The following VPS13A variants were observed in gnomAD, a reference collection of about 807,000 sequenced individuals.
The protein encoded by VPS13A is vacuolar protein sorting 13 homolog A, also known as intermembrane lipid transfer protein VPS13A.
A neutral mutation model predicts 390.9 loss-of-function variants in VPS13A; 264 were observed. The observed-to-expected ratio is 0.68, with a 90% CI of 0.61 to 0.75. The LOEUF (loss-of-function observed/expected upper bound fraction) is 0.75. Among genes scored for constraint, VPS13A ranks in the 30% least tolerant of loss-of-function variants. The probability of loss-of-function intolerance (pLI) is 0.00; values close to 1 mark genes in which losing one functional copy is unlikely to be tolerated. For synonymous variants in VPS13A, 1,231 were observed against 1,227.1 expected (o/e 1.00, Z -0.07); for missense variants, 3,409 against 3,733.9 (o/e 0.91, Z 2.27).
intron 10 of VPS13A, among the ~76,000 whole-genome samples, chr9:77,214,737 G>C (rs1347287340): frequency 6.6e-6 from 1 of 152,044 alleles, no homozygotes; most frequent in Non-Finnish European, 1.5e-5. Context: ...AGCCTTTTTC[G>C]AAATAGTAAG....
chr9:77,353,380 T>G (rs770150870), intron 53 of VPS13A, 29 bp from the exon 54 acceptor site: 13 of 1,515,830 alleles, frequency 8.6e-6, no homozygotes, highest in African/African-American at 8.4e-5. Flanking sequence ...TTTTTTGGTT[T>G]TTTTTTTTTT....
chr9:77,343,385 G>A (rs948865095), intron 50 of VPS13A, among the ~76,000 whole-genome samples: 3 of 152,164 alleles, frequency 2.0e-5, no homozygotes, highest in African/African-American at 7.2e-5. Flanking sequence ...CTGCTACATT[G>A]TCCTCAAGTC....
intron 19 of VPS13A, among the ~76,000 whole-genome samples, chr9:77,240,687 A>T (rs1296098421): frequency 6.6e-6 from 1 of 151,602 alleles, no homozygotes; most frequent in Non-Finnish European, 1.5e-5. Flanking sequence ...CATGTTGGCC[A>T]GGCTGGTCTC....
intron 38 of VPS13A, among the ~76,000 whole-genome samples, chr9:77,315,841 T>C (rs770185686): frequency 6.6e-6 from 1 of 152,060 alleles, no homozygotes; most frequent in Non-Finnish European, 1.5e-5. Flanking sequence ...ATTTTTGTTG[T>C]ATTTATTCCT....
intron 10 of VPS13A, 78 bp downstream of exon 10, chr9:77,214,464 G>C: frequency 8.5e-7 from 1 of 1,171,476 alleles, no homozygotes; most frequent in Non-Finnish European, 1.3e-6. Flanking sequence ...TGCTATCACT[G>C]TGCTAGTTCC....
chr9:77,325,921 T>G (rs1044259801), intron 45 of VPS13A, among the ~76,000 whole-genome samples: 2 of 152,220 alleles, frequency 1.3e-5, no homozygotes, highest in African/African-American at 2.4e-5. Context: ...TATTTGATAT[T>G]TATTATCACT....
chr9:77,379,133 C>T (rs545451707), intron 67 of VPS13A, among the ~76,000 whole-genome samples: 5 of 125,898 alleles, frequency 4.0e-5, no homozygotes, highest in African/African-American at 1.6e-4. Flanking sequence ...GGAGCAGTGG[C>T]GTGATTTTGG....
At chr9:77,369,482 G>T in intron 63 of VPS13A, 70 bp downstream of exon 63, 1 of 1,012,086 alleles carries the variant, frequency 9.9e-7, no homozygotes, top group South Asian at 1.3e-5. Flanking sequence ...CTTTTCTATT[G>T]TTAAGTTGAG....
intron 1 of VPS13A, among the ~76,000 whole-genome samples, chr9:77,193,769 C>A (rs984524967): frequency 6.6e-6 from 1 of 152,102 alleles, no homozygotes; most frequent in African/African-American, 2.4e-5. Context: ...GGCTGATGTT[C>A]CTTTAATCTC....
chr9:77,283,739 G>A, intron 31 of VPS13A, 89 bp downstream of exon 31: 1 of 1,094,862 alleles, frequency 9.1e-7, no homozygotes, highest in Non-Finnish European at 1.3e-6. Context: ...ACATTTGTCA[G>A]AATTTAGTAG....
intron 33 of VPS13A, among the ~76,000 whole-genome samples, chr9:77,300,286 G>A (rs1219775523): frequency 6.6e-6 from 1 of 152,006 alleles, no homozygotes; most frequent in African/African-American, 2.4e-5. Flanking sequence ...CTATATTGAT[G>A]ATTGATATCT....
chr9:77,375,494 A>G (rs968173263), intron 67 of VPS13A, among the ~76,000 whole-genome samples: 1 of 152,218 alleles, frequency 6.6e-6, no homozygotes, highest in Non-Finnish European at 1.5e-5. Context: ...TGAAACAGAC[A>G]TTAAGGCAAT....
At chr9:77,259,188 T>C (rs1299754634) in intron 22 of VPS13A, among the ~76,000 whole-genome samples, 1 of 152,146 alleles carries the variant, frequency 6.6e-6, no homozygotes, top group Non-Finnish European at 1.5e-5. Flanking sequence ...CCCTTGAAAG[T>C]TGAGCTGCGT....
At chr9:77,265,613 A>G (rs1825995182) in intron 23 of VPS13A, among the ~76,000 whole-genome samples, 1 of 152,100 alleles carries the variant, frequency 6.6e-6, no homozygotes, top group Non-Finnish European at 1.5e-5. Flanking sequence ...CTCTGATAGT[A>G]GTTTGTAGTT....
rs780223086 is a variant in VPS13A, at chr9:77,337,432, A to C, written c.6273A>C (p.Leu2091=). 6.2e-7 allele frequency: 1 copy of C among 1,612,954 alleles called. No homozygotes were observed. Among genetic ancestry groups the C allele is most frequent in the African/African-American group, 1.3e-5 (1 of 75,004 alleles). Residue 2091 remains leucine, a synonymous_variant, in exon 47 of 72, where the codon CTA becomes CTC. Coordinates refer to ENST00000360280, the MANE Select transcript of VPS13A (RefSeq NM_033305.3). ...CAGAAAAAGATAATTTAACATCTCT[A>C]TCAGTGTATTCAGAAGATGGTTGGG... is the stretch of plus-strand genomic sequence containing the variant. The part of the protein sequence containing the change: ...IVPEKDNLTS[L]SVYSEDGWDL...
At position 77,357,624 on chromosome 9, in the gene VPS13A, CATTA is replaced by C; in HGVS notation, c.7807-64_7807-61del. On this transcript the variant is annotated intron_variant, in intron 55 of 71. Transcript: ENST00000360280. The stretch of plus-strand genomic sequence containing the variant: ...GCTTACTGTTTTAAAAAGTTTTTGG[CATTA>C]ATTTCTAATTCTAGTCATTTATAGA... 7 of 1,529,672 alleles carry C rather than the reference CATTA, an allele frequency of 4.6e-6. No individual in the cohort carries two copies. In the South Asian group the frequency reaches 7.2e-5, roughly 16 times the overall value. 94.8% of individuals were successfully genotyped at this position (1,529,672 alleles called of 1,614,324 possible).
At chr9:77,406,423 CTTT>C (rs753915646) in intron 70 of VPS13A, among the ~76,000 whole-genome samples, 39 of 151,814 alleles carry the variant, frequency 2.6e-4, no homozygotes, top group Non-Finnish European at 4.6e-4. Context: ...TGCAATCATT[CTTT>C]TTTTCTTTTT....
intron 26 of VPS13A, among the ~76,000 whole-genome samples, chr9:77,278,909 G>T (rs1452570111): frequency 6.6e-6 from 1 of 152,218 alleles, no homozygotes; most frequent in African/African-American, 2.4e-5. Context: ...TGCCACAGGG[G>T]TGTGTATTTC....
In VPS13A at chr9:77,396,347, G is replaced by T. The variant is rs1834118894; in HGVS notation, c.9190-6889G>T. 5.3e-5 allele frequency among the ~76,000 whole-genome samples: 8 copies of T among 152,250 alleles called. No individual in the cohort carries two copies. In the South Asian group the frequency reaches 1.7e-3, roughly 32 times the overall value. The stretch of plus-strand genomic sequence containing the variant: ...GCTGTCAGTATAGCCTATACCTATG[G>T]TTTTGCTGACAGTCAAGATAGCATA... On this transcript the variant is annotated intron_variant, in intron 68 of 71. Coordinates refer to ENST00000360280, the MANE Select transcript of VPS13A (RefSeq NM_033305.3).
Sources: gnomAD v4.1 joint callset for allele counts (sites outside exome capture counted in the v4.1 genomes callset) on GRCh38, gnomAD v4.1.1 for gene constraint, MANE v1.5 for transcripts, NCBI Gene and HGNC (gene_info 2026-07-23, HGNC 2026-07-21) for gene names.